CMTM8: variants seen among roughly 807,000 people sequenced by gnomAD.
CMTM8 encodes the protein CKLF-like MARVEL transmembrane domain-containing protein 8.
In CMTM8, 12 loss-of-function variants were observed where a neutral mutation model predicts 18.6. The ratio of observed to expected loss-of-function variants is 0.65; its 90% confidence interval spans 0.41 to 1.05. CMTM8 has a LOEUF of 1.05. Among genes scored for constraint, CMTM8 ranks in the 50% least tolerant of loss-of-function variants. CMTM8 has a pLI of 0.00. For synonymous variants in CMTM8, 87 were observed against 90.6 expected (o/e 0.96, Z 0.23); for missense variants, 217 against 227.2 (o/e 0.95, Z 0.29).
chr3:32,305,232 C>CT (rs397693052), intron 1 of CMTM8, among the ~76,000 whole-genome samples: 44,763 of 127,400 alleles, frequency 0.35, 8,340 homozygotes, highest in African/African-American at 0.39. Context: ...TGACTGGAGG[C>CT]TTTTTTTTTT....
chr3:32,288,685 A>G (rs972365321), intron 1 of CMTM8, among the ~76,000 whole-genome samples: 1 of 152,286 alleles, frequency 6.6e-6, no homozygotes, highest in South Asian at 2.1e-4. Context: ...TATTTTTAGT[A>G]GAGACGGCAT....
chr3:32,331,812 T>A (rs1361894545), intron 1 of CMTM8, among the ~76,000 whole-genome samples: 2 of 152,166 alleles, frequency 1.3e-5, no homozygotes, highest in African/African-American at 4.8e-5. Context: ...CTTTCACTTA[T>A]ATAAGGTATC....
In CMTM8 at chr3:32,282,163, T is replaced by C. The variant is rs532244540; in HGVS notation, c.147+43044T>C. 9.7e-4 allele frequency among the ~76,000 whole-genome samples: 148 copies of C among 152,232 alleles called. 4 individuals carry two copies. In the South Asian group the frequency reaches 0.03, roughly 31 times the overall value. ...AGGCTAAGTATCAGTTTTGGGTTAA[T>C]ACAGAGAACAGAGAAACATATTAAA... On this transcript the variant is annotated intron_variant, in intron 1 of 3. Coordinates refer to ENST00000307526, the MANE Select transcript of CMTM8 (RefSeq NM_178868.5).
At chr3:32,256,443 C>T (rs1477367673) in intron 1 of CMTM8, among the ~76,000 whole-genome samples, 1 of 152,150 alleles carries the variant, frequency 6.6e-6, no homozygotes, top group African/African-American at 2.4e-5. Context: ...CAGTACCTCC[C>T]AGACCTTGTC....
chr3:32,240,089 G>A (rs931261979), intron 1 of CMTM8, among the ~76,000 whole-genome samples: 5 of 152,196 alleles, frequency 3.3e-5, no homozygotes, highest in African/African-American at 9.7e-5. Context: ...TAAATATTTG[G>A]GAATTGAAAA....
chr3:32,249,241 C>T (rs1702083719), intron 1 of CMTM8, among the ~76,000 whole-genome samples: 1 of 151,290 alleles, frequency 6.6e-6, no homozygotes. Context: ...CTAGCCTAGG[C>T]AACATGGTGG....
intron 1 of CMTM8, among the ~76,000 whole-genome samples, chr3:32,347,322 CTCTT>C (rs1696619039): frequency 8.3e-6 from 1 of 120,416 alleles, no homozygotes; most frequent in South Asian, 3.1e-4. Flanking sequence ...CGTTAGTTCT[CTCTT>C]TATAGACACT....
At chr3:32,278,740 A>G (rs1702557755) in intron 1 of CMTM8, among the ~76,000 whole-genome samples, 1 of 152,170 alleles carries the variant, frequency 6.6e-6, no homozygotes, top group Admixed American at 6.5e-5. Flanking sequence ...TAGTTTACTT[A>G]CCTTTATATA....
intron 1 of CMTM8, among the ~76,000 whole-genome samples, chr3:32,338,164 A>T (rs1696424522): frequency 6.6e-6 from 1 of 151,840 alleles, no homozygotes; most frequent in African/African-American, 2.4e-5. Flanking sequence ...TTGTATTTTT[A>T]GCAGAGACGG....
chr3:32,257,408 AT>A (rs1359061607), intron 1 of CMTM8, among the ~76,000 whole-genome samples: 1 of 152,222 alleles, frequency 6.6e-6, no homozygotes, highest in African/African-American at 2.4e-5. Flanking sequence ...AGGAATCTTT[AT>A]TCAATCCAGG....
chr3:32,244,863 A>G (rs1434019716), intron 1 of CMTM8, among the ~76,000 whole-genome samples: 1 of 152,178 alleles, frequency 6.6e-6, no homozygotes, highest in African/African-American at 2.4e-5. Context: ...ATATAAATCT[A>G]AGGGTTTTGT....
At chr3:32,319,798 G>T (rs1034492192) in intron 1 of CMTM8, among the ~76,000 whole-genome samples, 8 of 152,240 alleles carry the variant, frequency 5.3e-5, no homozygotes, top group African/African-American at 1.9e-4. Context: ...GTGAAGACAG[G>T]CATGGCAGAA....
chr3:32,349,451 C>T (rs1015402616), intron 1 of CMTM8, among the ~76,000 whole-genome samples: 2 of 152,062 alleles, frequency 1.3e-5, no homozygotes, highest in African/African-American at 4.8e-5. Context: ...CATTTAAGGC[C>T]TTTGTTTCCA....
intron 1 of CMTM8, among the ~76,000 whole-genome samples, chr3:32,271,283 C>T (rs188134002): frequency 2.3e-3 from 348 of 152,270 alleles, no homozygotes; most frequent in African/African-American, 7.9e-3. Context: ...TGCGCCACCA[C>T]GCCCGGTAAT....
At chr3:32,297,977 G>A (rs1047094409) in intron 1 of CMTM8, among the ~76,000 whole-genome samples, 11 of 151,374 alleles carry the variant, frequency 7.3e-5, no homozygotes, top group Non-Finnish European at 1.0e-4. Flanking sequence ...TCTGGCTTGT[G>A]TTCTTCAACT....
At chr3:32,333,470 C>T (rs1485674808) in intron 1 of CMTM8, among the ~76,000 whole-genome samples, 7 of 152,096 alleles carry the variant, frequency 4.6e-5, no homozygotes, top group Admixed American at 1.3e-4. Context: ...TTAACAAGAC[C>T]CCTGGTGATT....
intron 3 of CMTM8, 132 bp from the exon 4 acceptor site, chr3:32,369,752 A>G (rs1271365695): frequency 2.0e-6 from 1 of 508,860 alleles, no homozygotes. Context: ...GAACCAATAA[A>G]GTAGTTTTAG....
chr3:32,337,522 G>T (rs766560611), intron 1 of CMTM8, among the ~76,000 whole-genome samples: 1 of 152,218 alleles, frequency 6.6e-6, no homozygotes, highest in Admixed American at 6.5e-5. Flanking sequence ...GATTCTGGGG[G>T]AAGATTTGTG....
intron 1 of CMTM8, among the ~76,000 whole-genome samples, chr3:32,282,890 T>C (rs1357945744): frequency 6.6e-6 from 1 of 152,200 alleles, no homozygotes; most frequent in East Asian, 1.9e-4. Flanking sequence ...AGAACCCACT[T>C]TCTCCAGGTC....
Sources: gnomAD v4.1 joint callset for allele counts (sites outside exome capture counted in the v4.1 genomes callset) on GRCh38, gnomAD v4.1.1 for gene constraint, MANE v1.5 for transcripts, NCBI Gene and HGNC (gene_info 2026-07-23, HGNC 2026-07-21) for gene names.